Variants in TPST1 observed in about 807,000 individuals in gnomAD.
TPST1 encodes the protein tyrosylprotein sulfotransferase 1, also known as protein-tyrosine sulfotransferase 1.
Under a neutral mutation model 34.8 loss-of-function variants are expected in TPST1, and 20 were observed. The observed-to-expected ratio is 0.57, with a 90% confidence interval of 0.40 to 0.84. The LOEUF (loss-of-function observed/expected upper bound fraction) is 0.84, where lower values mean the gene tolerates loss of function less well. TPST1 is among the 40% of genes least tolerant of loss of function. The pLI is 0.00. For missense variants in TPST1, 353 were observed against 455.5 expected (o/e 0.78, Z 2.05); for synonymous variants, 152 against 159.4 (o/e 0.95, Z 0.35).
intron 1 of TPST1, among the ~76,000 whole-genome samples, chr7:66,224,185 G>GT (rs1789602514): frequency 6.6e-6 from 1 of 152,188 alleles, no homozygotes; most frequent in South Asian, 2.1e-4. Flanking sequence ...TGCAACAATG[G>GT]TTTCATTTAG....
chr7:66,274,589 G>A (rs1320764367), intron 2 of TPST1, among the ~76,000 whole-genome samples: 3 of 152,118 alleles, frequency 2.0e-5, no homozygotes, highest in Non-Finnish European at 4.4e-5. Flanking sequence ...ATGGTCATAT[G>A]GGATTATGTC....
At chr7:66,271,877 A>G (rs1234499488) in intron 2 of TPST1, among the ~76,000 whole-genome samples, 1 of 152,176 alleles carries the variant, frequency 6.6e-6, no homozygotes, top group Non-Finnish European at 1.5e-5. Flanking sequence ...AATTCTAAAA[A>G]GAGAATACGC....
At chr7:66,335,281 T>A (rs184912984) in intron 3 of TPST1, among the ~76,000 whole-genome samples, 43 of 151,536 alleles carry the variant, frequency 2.8e-4, no homozygotes, top group Non-Finnish European at 5.2e-4. Context: ...CATAGCAAAA[T>A]CCCACTTCTA....
At chr7:66,284,447 T>C (rs1790991658) in intron 2 of TPST1, among the ~76,000 whole-genome samples, 1 of 143,900 alleles carries the variant, frequency 6.9e-6, no homozygotes, top group South Asian at 2.3e-4. Context: ...GTCTATATTA[T>C]TGAATGACAG....
At chr7:66,220,895 G>A (rs1319502795) in intron 1 of TPST1, among the ~76,000 whole-genome samples, 1 of 152,206 alleles carries the variant, frequency 6.6e-6, no homozygotes, top group Non-Finnish European at 1.5e-5. Context: ...TGTTTTGGGA[G>A]GCCAAGGTGG....
chr7:66,296,469 T>A (rs1199877271), intron 3 of TPST1, among the ~76,000 whole-genome samples: 2 of 152,104 alleles, frequency 1.3e-5, no homozygotes, highest in African/African-American at 2.4e-5. Context: ...CAGATGCTAA[T>A]GTATCCAGCA....
At chr7:66,207,529 A>G (rs567524259) in intron 1 of TPST1, among the ~76,000 whole-genome samples, 130 of 152,366 alleles carry the variant, frequency 8.5e-4, no homozygotes, top group African/African-American at 3.0e-3. Flanking sequence ...CATTCAGACC[A>G]AAACAAAGCT....
intron 1 of TPST1, among the ~76,000 whole-genome samples, chr7:66,237,731 G>A (rs901483841): frequency 2.6e-5 from 4 of 152,026 alleles, no homozygotes; most frequent in Non-Finnish European, 4.4e-5. Context: ...GGGAGGGGTC[G>A]GGGGTAGGGA....
chr7:66,325,046 A>G (rs1379799530), intron 3 of TPST1, among the ~76,000 whole-genome samples: 3 of 152,156 alleles, frequency 2.0e-5, no homozygotes, highest in African/African-American at 7.2e-5. Context: ...GGTAATTTAT[A>G]AAGGAAAGAG....
At chr7:66,203,721 G>GA (rs1297914726), upstream of TPST1, among the ~76,000 whole-genome samples, 1 of 151,740 alleles carries the variant, frequency 6.6e-6, no homozygotes, top group Non-Finnish European at 1.5e-5. Context: ...TCCTGACCTT[G>GA]TGATCCGCCC....
chr7:66,244,262 TTAAAG>T lies in TPST1; in HGVS notation c.845+2997_845+3001del, dbSNP rs959347364. On this transcript the variant is annotated intron_variant, in intron 2 of 5. Coordinates refer to ENST00000304842, the MANE Select transcript of TPST1 (RefSeq NM_003596.4). The stretch of plus-strand genomic sequence containing the variant: ...GCCACCGCGCCTGGCCGAAAATTGT[TTAAAG>T]TAAATATTTTAATACTTAGTTCAGT... Among the ~76,000 whole-genome samples, 5 of 152,298 alleles carry T rather than the reference TTAAAG, an allele frequency of 3.3e-5. No homozygotes were observed. In the East Asian group the frequency reaches 5.8e-4, roughly 18 times the overall value.
At chr7:66,343,605 C>T (rs1792283013) in intron 3 of TPST1, among the ~76,000 whole-genome samples, 1 of 152,144 alleles carries the variant, frequency 6.6e-6, no homozygotes, top group Non-Finnish European at 1.5e-5. Context: ...TACAGCTACA[C>T]AAAACAGTAA....
Position 66,240,511 on chromosome 7 carries a change from T to C in TPST1, c.86T>C (p.Met29Thr). The C allele has an allele frequency of 6.2e-7, 1 of 1,614,178 alleles. No homozygotes were observed. The highest frequency in any genetic ancestry group is 8.5e-7 in the Non-Finnish European group (1 of 1,180,032). Reference sequence around the variant, plus strand: ...GTGTTTTACCTGGGCCAGCATGCCATGGAATGCCATCACCGGATAGAGGAA... The same window carrying C: ...GTGTTTTACCTGGGCCAGCATGCCACGGAATGCCATCACCGGATAGAGGAA... ...VTVFYLGQHA[M>T]ECHHRIEERS... is the part of the protein sequence containing the mutation. Residue 29 changes from methionine to threonine, a missense_variant, in exon 2 of 6, where the codon ATG (methionine) becomes ACG (threonine). Coordinates refer to ENST00000304842, the MANE Select transcript of TPST1 (RefSeq NM_003596.4).
chr7:66,220,042 C>T (rs1472304477), intron 1 of TPST1, among the ~76,000 whole-genome samples: 1 of 147,464 alleles, frequency 6.8e-6, no homozygotes, highest in African/African-American at 2.5e-5. Context: ...GAGCAAGGGT[C>T]AAAGGAAAAA....
At chr7:66,322,319 G>C (rs1197125128) in intron 3 of TPST1, among the ~76,000 whole-genome samples, 6 of 152,186 alleles carry the variant, frequency 3.9e-5, no homozygotes. Context: ...CATATTTACA[G>C]TGTTGTAAAA....
chr7:66,279,475 TTC>T (rs1469003265), intron 2 of TPST1, among the ~76,000 whole-genome samples: 2 of 152,218 alleles, frequency 1.3e-5, no homozygotes, highest in African/African-American at 4.8e-5. Flanking sequence ...CTAATGGTAG[TTC>T]TGAGTTCTTT....
At chr7:66,314,978 C>A (rs964135589) in intron 3 of TPST1, among the ~76,000 whole-genome samples, 13 of 152,170 alleles carry the variant, frequency 8.5e-5, no homozygotes, top group African/African-American at 3.1e-4. Context: ...TATTCTTACC[C>A]ACACCAATGG....
intron 3 of TPST1, among the ~76,000 whole-genome samples, chr7:66,316,804 T>C (rs1210452567): frequency 6.6e-6 from 1 of 152,202 alleles, no homozygotes; most frequent in South Asian, 2.1e-4. Flanking sequence ...TTGCAAAAAT[T>C]ATTCATTTTT....
intron 2 of TPST1, among the ~76,000 whole-genome samples, chr7:66,254,002 CAAA>C (rs60795420): frequency 8.8e-6 from 1 of 113,564 alleles, no homozygotes; most frequent in Non-Finnish European, 1.8e-5. Context: ...GACTCTGTTT[CAAA>C]AAAAAAAAAA....
Sources: allele counts gnomAD v4.1 joint callset (sites outside exome capture counted in the v4.1 genomes callset), GRCh38; gene constraint gnomAD v4.1.1; transcripts MANE v1.5; gene names NCBI Gene and HGNC (gene_info 2026-07-23, HGNC 2026-07-21).